Variants in GPATCH2 observed in about 807,000 individuals in gnomAD.
GPATCH2 encodes G patch domain-containing protein 2.
GPATCH2 carries 51 observed loss-of-function variants against 58.0 expected under a neutral mutation model. The ratio of observed to expected loss-of-function variants is 0.88; its 90% CI spans 0.70 to 1.11. The LOEUF (loss-of-function observed/expected upper bound fraction) is 1.11. Among genes scored for constraint, GPATCH2 ranks in the 50% most tolerant of loss-of-function variants. GPATCH2 has a pLI of 0.00. For missense variants in GPATCH2, 625 were observed against 652.2 expected, an observed-to-expected ratio of 0.96 and a Z score of 0.45; for synonymous variants, 222 against 218.5, an observed-to-expected ratio of 1.02 and a Z score of -0.14.
intron 5 of GPATCH2, among the ~76,000 whole-genome samples, chr1:217,526,329 T>C (rs1468381123): frequency 6.6e-6 from 1 of 152,154 alleles, no homozygotes; most frequent in Non-Finnish European, 1.5e-5. Context: ...CATTCAATCA[T>C]TCAATCTTAC....
chr1:217,450,234 G>A (rs1214710248), intron 8 of GPATCH2, among the ~76,000 whole-genome samples: 2 of 151,950 alleles, frequency 1.3e-5, no homozygotes, highest in Non-Finnish European at 2.9e-5. Context: ...ATAAATGAAA[G>A]CATGTTTATG....
At chr1:217,550,653 A>G (rs887282923) in intron 5 of GPATCH2, among the ~76,000 whole-genome samples, 2 of 152,046 alleles carry the variant, frequency 1.3e-5, no homozygotes, top group Non-Finnish European at 2.9e-5. Context: ...ACTTGCTTCA[A>G]TAACAGAAAC....
chr1:217,570,181 G>A (rs932845454), intron 5 of GPATCH2, among the ~76,000 whole-genome samples: 20 of 152,008 alleles, frequency 1.3e-4, no homozygotes, highest in African/African-American at 4.8e-4. Context: ...GCTCAATCTC[G>A]GCTGAATGCA....
At chr1:217,484,556 T>TTTTATATA (rs367637025) in intron 8 of GPATCH2, among the ~76,000 whole-genome samples, 2 of 143,204 alleles carry the variant, frequency 1.4e-5, no homozygotes, top group Non-Finnish European at 3.0e-5. Context: ...ATATAATTAT[T>TTTTATATA]TATATATATA....
chr1:217,610,043 A>G, intron 5 of GPATCH2: 1 of 1,449,154 alleles, frequency 6.9e-7, no homozygotes, highest in Non-Finnish European at 9.1e-7. Flanking sequence ...TTTTCATCAA[A>G]GAGGCTCTCA....
At chr1:217,447,291 T>C (rs1381778000) in intron 9 of GPATCH2, among the ~76,000 whole-genome samples, 1 of 152,228 alleles carries the variant, frequency 6.6e-6, no homozygotes, top group Non-Finnish European at 1.5e-5. Flanking sequence ...TAAGTCAGCA[T>C]ATGCAATAGG....
intron 9 of GPATCH2, among the ~76,000 whole-genome samples, chr1:217,443,766 TC>T (rs1377323918): frequency 1.3e-5 from 2 of 152,170 alleles, no homozygotes; most frequent in African/African-American, 2.4e-5. Context: ...CGCCTAAAAT[TC>T]AGTGTCTTTT....
At chr1:217,484,758 T>C (rs150932268) in intron 8 of GPATCH2, among the ~76,000 whole-genome samples, 153 of 150,474 alleles carry the variant, frequency 1.0e-3, no homozygotes, top group African/African-American at 3.5e-3. Flanking sequence ...ATAGGAGGTA[T>C]AGGTATATAT....
chr1:217,564,509 G>A (rs1385337591), intron 5 of GPATCH2, among the ~76,000 whole-genome samples: 1 of 152,078 alleles, frequency 6.6e-6, no homozygotes, highest in East Asian at 1.9e-4. Flanking sequence ...CAAATACTCC[G>A]TTTGACTCCA....
chr1:217,441,734 T>C (rs916991966), intron 9 of GPATCH2, among the ~76,000 whole-genome samples: 4 of 152,030 alleles, frequency 2.6e-5, no homozygotes, highest in African/African-American at 4.8e-5. Context: ...CCAACAAATA[T>C]GAAAAAAAGC....
At chr1:217,601,305 T>C (rs1462353580) in intron 5 of GPATCH2, among the ~76,000 whole-genome samples, 2 of 152,108 alleles carry the variant, frequency 1.3e-5, no homozygotes, top group African/African-American at 4.8e-5. Context: ...GATACATGTT[T>C]GAGGTGATGG....
rs139155743 is a variant in GPATCH2, at chr1:217,442,259, T to C, written c.1366+6990A>G. On this transcript the variant is annotated intron_variant, in intron 9 of 9. Coordinates refer to ENST00000366935, the MANE Select transcript of GPATCH2 (RefSeq NM_018040.5). ...CACAGGAAAAGAAAACCAAGCACCA[T>C]ATGTTCTCACTCATAAGTGGGAGTT... Among the ~76,000 whole-genome samples the C allele has an allele frequency of 8.6e-4, 131 of 152,164 alleles. 2 individuals carry two copies. The East Asian group carries it at 0.024, about 28-fold the overall frequency.
intron 5 of GPATCH2, among the ~76,000 whole-genome samples, chr1:217,578,182 C>T (rs1048858428): frequency 1.3e-5 from 2 of 151,724 alleles, no homozygotes; most frequent in African/African-American, 4.8e-5. Context: ...CACCAAGACA[C>T]AAAAAGGTAG....
At chr1:217,584,584 G>T (rs992453277) in intron 5 of GPATCH2, among the ~76,000 whole-genome samples, 5 of 151,670 alleles carry the variant, frequency 3.3e-5, no homozygotes, top group Non-Finnish European at 7.4e-5. Context: ...TTTAGAAGAG[G>T]TTTAAATATT....
chr1:217,528,101 G>T (rs950520681), intron 5 of GPATCH2, among the ~76,000 whole-genome samples: 1 of 152,016 alleles, frequency 6.6e-6, no homozygotes, highest in Non-Finnish European at 1.5e-5. Flanking sequence ...GAATCAAAAG[G>T]GTATATATAT....
intron 5 of GPATCH2, among the ~76,000 whole-genome samples, chr1:217,534,724 G>A (rs1379539967): frequency 6.6e-6 from 1 of 152,104 alleles, no homozygotes; most frequent in Admixed American, 6.5e-5. Flanking sequence ...TTCTCACTGG[G>A]TTACCAGATG....
At chr1:217,571,190 A>C (rs958654966) in intron 5 of GPATCH2, among the ~76,000 whole-genome samples, 8 of 152,216 alleles carry the variant, frequency 5.3e-5, no homozygotes, top group Non-Finnish European at 7.3e-5. Flanking sequence ...TTCAACTAAA[A>C]AGAAGAAATG....
chr1:217,596,872 G>C (rs998662475), intron 5 of GPATCH2, among the ~76,000 whole-genome samples: 1 of 152,028 alleles, frequency 6.6e-6, no homozygotes, highest in African/African-American at 2.4e-5. Context: ...TTAAAATAAT[G>C]ATAATTAAAA....
intron 5 of GPATCH2, among the ~76,000 whole-genome samples, chr1:217,550,855 A>G (rs1193929611): frequency 1.4e-5 from 2 of 147,854 alleles, no homozygotes; most frequent in Non-Finnish European, 3.0e-5. Flanking sequence ...ATATACTATT[A>G]TAATATAATT....
Sources: gnomAD v4.1 joint callset for allele counts (sites outside exome capture counted in the v4.1 genomes callset) on GRCh38, gnomAD v4.1.1 for gene constraint, MANE v1.5 for transcripts, NCBI Gene and HGNC (gene_info 2026-07-23, HGNC 2026-07-21) for gene names.